Variants in TTC29 observed in about 807,000 individuals in gnomAD.
The protein encoded by TTC29 is tetratricopeptide repeat domain 29.
A neutral mutation model predicts 58.1 loss-of-function variants in TTC29; 49 were observed. The observed-to-expected ratio is 0.84, with a 90% CI of 0.67 to 1.07. The LOEUF (loss-of-function observed/expected upper bound fraction) is 1.07, where lower values mean the gene tolerates loss of function less well. Ranked by LOEUF, TTC29 falls within the 50% of genes least tolerant of loss-of-function variation. TTC29 has a pLI of 0.00. For missense variants in TTC29, 582 were observed against 555.6 expected (o/e 1.05, Z -0.48); for synonymous variants, 209 against 196.8 (o/e 1.06, Z -0.52).
At chr4:146,886,076 T>A (rs1196532250) in intron 6 of TTC29, among the ~76,000 whole-genome samples, 1 of 152,128 alleles carries the variant, frequency 6.6e-6, no homozygotes, top group African/African-American at 2.4e-5. Flanking sequence ...ATAATGCATA[T>A]AAAGTTAATT....
At position 146,755,799 on chromosome 4, in the gene TTC29, TCCAAAGGTTGCACAAAGTATGACCCAAAA is replaced by T. The variant is rs1579601438; in HGVS notation, c.1330+47629_1330+47657del. 2.0e-5 allele frequency among the ~76,000 whole-genome samples: 3 copies of T among 152,192 alleles called. No individual in the cohort carries two copies. In the East Asian group the frequency reaches 5.8e-4, roughly 29 times the overall value. On this transcript the variant is annotated intron_variant, in intron 11 of 12. Coordinates refer to ENST00000325106, the MANE Select transcript of TTC29 (RefSeq NM_031956.4). ...AAAAATTAGGGTTCTGTATCACAAA[TCCAAAGGTTGCACAAAGTATGACCCAAAA>T]CCAAGTCTACCCTATTCCAAAACTA...
chr4:146,827,227 G>A lies in TTC29; in HGVS notation c.977+6579C>T, dbSNP rs533736495. Among the ~76,000 whole-genome samples, 10 of 152,184 alleles carry A rather than the reference G, an allele frequency of 6.6e-5. No individual in the cohort carries two copies. The South Asian group carries it at 8.3e-4, about 13-fold the overall frequency. On this transcript the variant is annotated intron_variant, in intron 9 of 12. Transcript: ENST00000325106. ...CACCACACTGCTCTTCCCTCTCTCC[G>A]TGGGTCCTGCCTGCCTTCTAGTCAA...
intron 11 of TTC29, among the ~76,000 whole-genome samples, chr4:146,787,681 C>A (rs1013355550): frequency 1.6e-4 from 24 of 152,176 alleles, no homozygotes; most frequent in African/African-American, 5.8e-4. Context: ...CTTAAACTTG[C>A]AGCGTATTCA....
chr4:146,871,337 A>G (rs1480880611), intron 7 of TTC29, among the ~76,000 whole-genome samples: 1 of 151,970 alleles, frequency 6.6e-6, no homozygotes, highest in East Asian at 1.9e-4. Flanking sequence ...GAATTTTTTC[A>G]ATGTAGTAAA....
intron 4 of TTC29, among the ~76,000 whole-genome samples, chr4:146,937,027 A>AT (rs1296393806): frequency 1.3e-5 from 2 of 151,974 alleles, no homozygotes; most frequent in Non-Finnish European, 2.9e-5. Context: ...ACCTACATTG[A>AT]TTTTTGTACT....
At chr4:146,926,112 G>A (rs907051330) in intron 4 of TTC29, among the ~76,000 whole-genome samples, 1 of 152,130 alleles carries the variant, frequency 6.6e-6, no homozygotes, top group Non-Finnish European at 1.5e-5. Flanking sequence ...TTGTTTGAAA[G>A]AAAACTTAAC....
intron 8 of TTC29, among the ~76,000 whole-genome samples, chr4:146,843,237 A>G (rs868282885): frequency 6.6e-6 from 1 of 152,330 alleles, no homozygotes; most frequent in Middle Eastern, 3.4e-3. Flanking sequence ...CTGACATGTA[A>G]TAAAAACACT....
At chr4:146,756,042 A>C (rs894487219) in intron 11 of TTC29, among the ~76,000 whole-genome samples, 2 of 152,142 alleles carry the variant, frequency 1.3e-5, no homozygotes, top group African/African-American at 2.4e-5. Context: ...CGGGAGGCCG[A>C]GGCAGGTGGA....
intron 11 of TTC29, among the ~76,000 whole-genome samples, chr4:146,717,644 G>A (rs551851749): frequency 1.3e-5 from 2 of 152,012 alleles, no homozygotes; most frequent in Admixed American, 6.6e-5. Context: ...TATATTTATG[G>A]GGTACAAAGT....
At chr4:146,806,811 C>A (rs974006711) in intron 10 of TTC29, among the ~76,000 whole-genome samples, 1 of 152,084 alleles carries the variant, frequency 6.6e-6, no homozygotes, top group Non-Finnish European at 1.5e-5. Context: ...ACCCCACTGT[C>A]AATATTAGAC....
At chr4:146,869,987 A>G (rs750628121) in intron 7 of TTC29, among the ~76,000 whole-genome samples, 7 of 152,118 alleles carry the variant, frequency 4.6e-5, no homozygotes, top group Non-Finnish European at 7.4e-5. Flanking sequence ...GGACAGAGAC[A>G]TAAAGAGAGA....
At chr4:146,795,917 G>T (rs1479303066) in intron 11 of TTC29, among the ~76,000 whole-genome samples, 1 of 152,212 alleles carries the variant, frequency 6.6e-6, no homozygotes, top group East Asian at 1.9e-4. Context: ...GACATAGCTA[G>T]AGGCAGAGGT....
intron 11 of TTC29, among the ~76,000 whole-genome samples, chr4:146,792,550 T>C (rs1475171355): frequency 6.6e-6 from 1 of 152,166 alleles, no homozygotes; most frequent in African/African-American, 2.4e-5. Flanking sequence ...CCAAGATTGC[T>C]CTGATAGAAA....
chr4:146,817,182 C>A (rs566922567), intron 10 of TTC29, among the ~76,000 whole-genome samples: 177 of 152,162 alleles, frequency 1.2e-3, no homozygotes, highest in Non-Finnish European at 1.9e-3. Flanking sequence ...CCTAGAAAAC[C>A]CCATTGTCTC....
intron 8 of TTC29, among the ~76,000 whole-genome samples, chr4:146,850,194 A>C (rs1361737342): frequency 1.3e-5 from 2 of 152,176 alleles, no homozygotes; most frequent in Non-Finnish European, 1.5e-5. Flanking sequence ...TCTTAAGACT[A>C]CATGTGTGAG....
intron 6 of TTC29, among the ~76,000 whole-genome samples, chr4:146,901,087 T>C (rs781339575): frequency 6.6e-6 from 1 of 152,166 alleles, no homozygotes; most frequent in Non-Finnish European, 1.5e-5. Flanking sequence ...CAGACAGAAT[T>C]TGATGGTGTA....
chr4:146,880,601 G>A (rs1731559905), intron 6 of TTC29, among the ~76,000 whole-genome samples: 2 of 152,118 alleles, frequency 1.3e-5, no homozygotes, highest in Non-Finnish European at 2.9e-5. Flanking sequence ...GATATTTGTT[G>A]TATCACAGCA....
chr4:146,724,504 G>A (rs1561061986), intron 11 of TTC29, among the ~76,000 whole-genome samples: 1 of 151,970 alleles, frequency 6.6e-6, no homozygotes, highest in Non-Finnish European at 1.5e-5. Flanking sequence ...GAGAAGAAAT[G>A]AGATTTTTAT....
intron 8 of TTC29, among the ~76,000 whole-genome samples, chr4:146,853,334 T>C (rs573476938): frequency 7.2e-4 from 110 of 152,234 alleles, no homozygotes; most frequent in African/African-American, 2.5e-3. Flanking sequence ...TACATATATA[T>C]GTATTTATAT....
Sources: allele counts gnomAD v4.1 joint callset (sites outside exome capture counted in the v4.1 genomes callset), GRCh38; gene constraint gnomAD v4.1.1; transcripts MANE v1.5; gene names NCBI Gene and HGNC (gene_info 2026-07-23, HGNC 2026-07-21).